The following CSNK1G2 variants were observed in gnomAD, a reference collection of about 807,000 sequenced individuals.
The protein encoded by CSNK1G2 is casein kinase I isoform gamma-2.
In CSNK1G2, 11 loss-of-function variants were observed where a neutral mutation model predicts 48.0. The observed-to-expected ratio is 0.23, with a 90% confidence interval of 0.14 to 0.38. The LOEUF is 0.38. CSNK1G2 is among the 10% of genes least tolerant of loss of function. The pLI, the probability that CSNK1G2 is intolerant of heterozygous loss-of-function variation, is 1.00. For missense variants in CSNK1G2, 446 were observed against 595.5 expected, an observed-to-expected ratio of 0.75 and a Z score of 2.61; for synonymous variants, 337 against 254.1, an observed-to-expected ratio of 1.33 and a Z score of -3.10.
At chr19:1,975,160 C>G in intron 2 of CSNK1G2, 2 of 985,468 alleles carry the variant, frequency 2.0e-6, no homozygotes, top group Non-Finnish European at 2.4e-6. Flanking sequence ...TGCATCAGAG[C>G]TTCAAAGGCC....
Position 1,967,924 on chromosome 19 carries a change from T to TC in CSNK1G2, c.-265-1584_-265-1583insC, listed in dbSNP as rs1183165007. ...GCAGGTGGGGCTCCTCCCTCCTCCC[T>TC]TCTCCCCAGGCTGCCCCCGACCACC... On this transcript the variant is annotated intron_variant, in intron 1 of 11. Transcript: ENST00000255641. Among the ~76,000 whole-genome samples the TC allele has an allele frequency of 9.8e-3, 231 of 23,642 alleles. 16 individuals carry two copies. The highest frequency in any genetic ancestry group is 0.018 in the South Asian group (9 of 514). 15.5% of individuals were successfully genotyped at this position (23,642 alleles called of 152,430 possible).
At chr19:1,972,669 C>T (rs2145580390) in intron 2 of CSNK1G2, among the ~76,000 whole-genome samples, 1 of 152,318 alleles carries the variant, frequency 6.6e-6, no homozygotes, top group South Asian at 2.1e-4. Context: ...GTTGCCCAGC[C>T]TGGAGTGCAG....
chr19:1,978,363 C>G lies in CSNK1G2; in HGVS notation c.228+18C>G. 1 of 1,612,802 alleles carries G rather than the reference C, an allele frequency of 6.2e-7. No individual in the cohort carries two copies. Among genetic ancestry groups the G allele is most frequent in the Admixed American group, 1.7e-5 (1 of 60,014 alleles). On this transcript the variant is annotated intron_variant, in intron 3 of 11. Coordinates refer to ENST00000255641, the MANE Select transcript of CSNK1G2 (RefSeq NM_001319.7). The surrounding 1 kb of genome is among the most constrained non-coding windows in gnomAD (Gnocchi z 7.3). ...TCAAATTGGTGAGTCGGCCCCTCCACCCCACCCCCGCTGACGTGCCCCCCA... is the reference window on the plus strand; with the variant it reads ...TCAAATTGGTGAGTCGGCCCCTCCAGCCCACCCCCGCTGACGTGCCCCCCA...
chr19:1,949,190 T>A (rs1323249306), intron 1 of CSNK1G2, among the ~76,000 whole-genome samples: 1 of 152,144 alleles, frequency 6.6e-6, no homozygotes, highest in African/African-American at 2.4e-5. Flanking sequence ...TCCAGAGTGT[T>A]CTCATCACCT....
In CSNK1G2 at chr19:1,978,485, G is replaced by A. The variant is rs756093157; in HGVS notation, c.272G>A (p.Arg91Gln). Residue 91 changes from arginine (R) to glutamine (Q), a missense_variant, in exon 4 of 12, where the codon CGG becomes CAG. Coordinates refer to ENST00000255641, the MANE Select transcript of CSNK1G2 (RefSeq NM_001319.7). The surrounding 1 kb of genome is among the most constrained non-coding windows in gnomAD (Gnocchi z 7.3). ...SRAPQLHLEY[R>Q]FYKQLSATEG... ...GCCCCGCAGCTGCACCTGGAGTACC[G>A]GTTCTACAAGCAGCTCAGCGCCACA... 3 of 1,600,658 alleles carry A rather than the reference G, an allele frequency of 1.9e-6. No individual in the cohort carries two copies. Among genetic ancestry groups the A allele is most frequent in the Admixed American group, 3.4e-5 (2 of 58,422 alleles).
intron 1 of CSNK1G2, among the ~76,000 whole-genome samples, chr19:1,963,784 A>T (rs2015277097): frequency 6.7e-6 from 1 of 149,034 alleles, no homozygotes; most frequent in African/African-American, 2.5e-5. Context: ...CTGGGATTAC[A>T]GGTGTGAACC....
At chr19:1,953,965 G>T in intron 1 of CSNK1G2, 1 of 533,780 alleles carries the variant, frequency 1.9e-6, no homozygotes. Context: ...CCATGGACGG[G>T]GCCTTCTCGT....
chr19:1,969,956 C>T lies in CSNK1G2; in HGVS notation c.184C>T (p.Leu62=), dbSNP rs559995585. 23 of 1,306,728 alleles carry T rather than the reference C, an allele frequency of 1.8e-5. No individual in the cohort carries two copies. In the East Asian group the frequency reaches 4.2e-4, roughly 24 times the overall value. The allele number at this position is 1,306,728 out of a possible 1,614,324, so 80.9% of individuals were successfully genotyped here. The part of the protein sequence containing the change: ...IGCGNFGELR[L]GKNLYTNEYV... ...CTGCGGCAACTTCGGGGAGCTCCGC[C>T]TAGGTGAGGCCCTGCTCGGTGGTAG... The change falls in exon 2 of 12, where the codon CTA becomes TTA. Residue 62 remains leucine, a synonymous_variant. Transcript: ENST00000255641.
chr19:1,972,146 C>T (rs112843712), intron 2 of CSNK1G2, among the ~76,000 whole-genome samples: 3,262 of 152,330 alleles, frequency 0.021, 129 homozygotes, highest in African/African-American at 0.075. Context: ...GCTTCGCGGG[C>T]AGCCGCACAT....
rs1212048190 is a variant in CSNK1G2 at position 1,955,728 on chromosome 19, C to T, written c.-265-13780C>T. On this transcript the variant is annotated intron_variant, in intron 1 of 11. Coordinates refer to ENST00000255641, the MANE Select transcript of CSNK1G2 (RefSeq NM_001319.7). The stretch of plus-strand genomic sequence containing the variant: ...GGGTGCAGGGAGTGCTCAGCGGACC[C>T]CCGTGCCACTGCTGTCACCGGAGGA... Among the ~76,000 whole-genome samples the T allele has an allele frequency of 2.6e-5, 4 of 152,140 alleles. No homozygotes were observed. The South Asian group carries it at 8.3e-4, about 32-fold the overall frequency.
intron 1 of CSNK1G2, among the ~76,000 whole-genome samples, chr19:1,960,669 C>T (rs142776372): frequency 5.8e-4 from 89 of 152,304 alleles, no homozygotes; most frequent in African/African-American, 2.0e-3. Flanking sequence ...GGGTGGATCA[C>T]TTGAAGTCGG....
intron 2 of CSNK1G2, among the ~76,000 whole-genome samples, chr19:1,977,194 T>A (rs2145592466): frequency 6.6e-6 from 1 of 152,348 alleles, no homozygotes; most frequent in East Asian, 1.9e-4. Context: ...ATGGTAGCTA[T>A]GGCCCCAGTG....
chr19:1,976,857 A>G (rs894417056), intron 2 of CSNK1G2, among the ~76,000 whole-genome samples: 1 of 151,794 alleles, frequency 6.6e-6, no homozygotes, highest in African/African-American at 2.4e-5. Context: ...CTCCTGCCTC[A>G]GCCTCCCTGG....
At chr19:1,965,872 C>T (rs2015349822) in intron 1 of CSNK1G2, among the ~76,000 whole-genome samples, 1 of 152,200 alleles carries the variant, frequency 6.6e-6, no homozygotes, top group South Asian at 2.1e-4. Context: ...TCACAGCTCA[C>T]TTTAGCCTCC....
chr19:1,951,576 T>C (rs1599287626), intron 1 of CSNK1G2, among the ~76,000 whole-genome samples: 1 of 144,732 alleles, frequency 6.9e-6, no homozygotes, highest in Non-Finnish European at 1.5e-5. Context: ...AGTTGGGGGG[T>C]GCAGCCTCCC....
intron 1 of CSNK1G2, among the ~76,000 whole-genome samples, chr19:1,959,602 C>T (rs1196801104): frequency 1.7e-5 from 2 of 120,748 alleles, no homozygotes; most frequent in African/African-American, 3.7e-5. Context: ...TTAGTGCCAC[C>T]CTGAGTCCCC....
At chr19:1,955,005 C>T (rs1343900506) in intron 1 of CSNK1G2, among the ~76,000 whole-genome samples, 1 of 152,106 alleles carries the variant, frequency 6.6e-6, no homozygotes, top group Non-Finnish European at 1.5e-5. Flanking sequence ...CTGTGGGTGC[C>T]CAGCCTTTAC....
chr19:1,955,513 A>T (rs574762499), intron 1 of CSNK1G2, among the ~76,000 whole-genome samples: 31 of 146,842 alleles, frequency 2.1e-4, no homozygotes, highest in Admixed American at 7.3e-4. Context: ...GGCGTGTGCC[A>T]GGGTGAGGCT....
intron 1 of CSNK1G2, among the ~76,000 whole-genome samples, chr19:1,945,028 T>G (rs1440473207): frequency 1.3e-5 from 2 of 152,368 alleles, no homozygotes; most frequent in Admixed American, 1.3e-4. Context: ...CAGCGTGAGC[T>G]AGCTGTGCCC....
Sources: allele counts gnomAD v4.1 joint callset (sites outside exome capture counted in the v4.1 genomes callset), GRCh38; gene constraint gnomAD v4.1.1; non-coding constraint Gnocchi (gnomAD v3.1); transcripts MANE v1.5; gene names NCBI Gene and HGNC (gene_info 2026-07-23, HGNC 2026-07-21).